The following NRXN1 variants were observed in gnomAD, a reference collection of about 807,000 sequenced individuals.
NRXN1 encodes the protein neurexin-1.
NRXN1 carries 39 observed loss-of-function variants against 150.9 expected under a neutral mutation model. The ratio of observed to expected loss-of-function variants is 0.26; its 90% confidence interval spans 0.20 to 0.34. The LOEUF (loss-of-function observed/expected upper bound fraction) is 0.34. NRXN1 is among the 10% of genes least tolerant of loss of function. The pLI is 1.00. For synonymous variants in NRXN1, 924 were observed against 757.0 expected (o/e 1.22, Z -3.62); for missense variants, 1,815 against 1,949.9 (o/e 0.93, Z 1.30).
chr2:50,227,050 T>C (rs1221655314), intron 18 of NRXN1, among the ~76,000 whole-genome samples: 1 of 151,980 alleles, frequency 6.6e-6, no homozygotes, highest in Admixed American at 6.6e-5. Flanking sequence ...GGCATCATGC[T>C]GTTCAGTATG....
At chr2:50,261,743 T>A (rs1470619922) in intron 17 of NRXN1, among the ~76,000 whole-genome samples, 1 of 151,920 alleles carries the variant, frequency 6.6e-6, no homozygotes. Context: ...ATTCTTTACC[T>A]CTTCCATCAG....
intron 2 of NRXN1, among the ~76,000 whole-genome samples, chr2:50,948,033 GTTAT>G (rs942369930): frequency 1.2e-4 from 18 of 151,428 alleles, no homozygotes; most frequent in African/African-American, 4.1e-4. Context: ...ATCCTGGCAA[GTTAT>G]TTATTTTATT....
intron 17 of NRXN1, among the ~76,000 whole-genome samples, chr2:50,319,712 G>A (rs905179865): frequency 6.7e-6 from 1 of 148,406 alleles, no homozygotes; most frequent in Non-Finnish European, 1.5e-5. Context: ...GACAGTGGCA[G>A]ACAGTGGCAC....
intron 18 of NRXN1, among the ~76,000 whole-genome samples, chr2:50,187,406 A>C (rs568161715): frequency 2.2e-4 from 34 of 152,280 alleles, no homozygotes; most frequent in Non-Finnish European, 3.8e-4. Context: ...TTAGTGAAGA[A>C]GAGATTTCAA....
chr2:50,084,595 A>G (rs1414592545), intron 19 of NRXN1, among the ~76,000 whole-genome samples: 1 of 151,974 alleles, frequency 6.6e-6, no homozygotes, highest in Non-Finnish European at 1.5e-5. Context: ...CTCTCCCTCC[A>G]CACCCCCCGC....
intron 18 of NRXN1, among the ~76,000 whole-genome samples, chr2:50,197,125 A>G (rs1310125784): frequency 6.6e-6 from 1 of 152,160 alleles, no homozygotes; most frequent in East Asian, 1.9e-4. Context: ...ACTTTTTTTC[A>G]GAAAATTATA....
intron 17 of NRXN1, among the ~76,000 whole-genome samples, chr2:50,378,658 T>C (rs907708585): frequency 6.6e-6 from 1 of 152,118 alleles, no homozygotes; most frequent in Non-Finnish European, 1.5e-5. Flanking sequence ...TTAGGAGTAT[T>C]AATAATATGT....
At chr2:50,360,697 A>T (rs979411034) in intron 17 of NRXN1, among the ~76,000 whole-genome samples, 1 of 152,184 alleles carries the variant, frequency 6.6e-6, no homozygotes, top group Admixed American at 6.5e-5. Context: ...AATATTATAC[A>T]GATCAATGAG....
intron 8 of NRXN1, among the ~76,000 whole-genome samples, chr2:50,560,369 A>C (rs979268815): frequency 1.3e-5 from 2 of 152,178 alleles, no homozygotes; most frequent in Non-Finnish European, 2.9e-5. Flanking sequence ...GGGCTAGTGG[A>C]TAGGGAAGAC....
intron 5 of NRXN1, among the ~76,000 whole-genome samples, chr2:50,701,401 C>T (rs529265030): frequency 6.6e-6 from 1 of 152,084 alleles, no homozygotes; most frequent in Non-Finnish European, 1.5e-5. Flanking sequence ...ACTTTACAGA[C>T]AATTCTTTTC....
intron 18 of NRXN1, among the ~76,000 whole-genome samples, chr2:50,107,018 T>C (rs1222107570): frequency 6.6e-6 from 1 of 151,886 alleles, no homozygotes; most frequent in East Asian, 1.9e-4. Flanking sequence ...TATCTGAGCA[T>C]TGATAGAGCA....
At chr2:49,973,411 T>C (rs934823860) in intron 21 of NRXN1, among the ~76,000 whole-genome samples, 13 of 152,288 alleles carry the variant, frequency 8.5e-5, no homozygotes, top group African/African-American at 3.1e-4. Context: ...TTAGCAAACA[T>C]GCATTTAATT....
chr2:50,406,652 T>C (rs2082768959), intron 17 of NRXN1, among the ~76,000 whole-genome samples: 1 of 152,182 alleles, frequency 6.6e-6, no homozygotes, highest in Non-Finnish European at 1.5e-5. Flanking sequence ...TGCCAGGTAT[T>C]AGGCATGTCC....
At chr2:50,399,403 G>C (rs765195270) in intron 17 of NRXN1, among the ~76,000 whole-genome samples, 8 of 151,930 alleles carry the variant, frequency 5.3e-5, no homozygotes, top group Non-Finnish European at 1.0e-4. Flanking sequence ...CTACTCCTGA[G>C]TTCATGAGGA....
intron 8 of NRXN1, among the ~76,000 whole-genome samples, chr2:50,569,311 C>A (rs1670314656): frequency 6.6e-6 from 1 of 152,072 alleles, no homozygotes; most frequent in East Asian, 1.9e-4. Context: ...ATCTGTAACA[C>A]AGGAAAGGAT....
chr2:50,119,566 G>GAA (rs35595009), intron 18 of NRXN1, among the ~76,000 whole-genome samples: 14 of 136,966 alleles, frequency 1.0e-4, no homozygotes, highest in African/African-American at 3.5e-4. Flanking sequence ...CATTAAAAAA[G>GAA]AAAAAAAAAA....
chr2:50,283,837 A>T (rs751065346), intron 17 of NRXN1, among the ~76,000 whole-genome samples: 3 of 152,102 alleles, frequency 2.0e-5, no homozygotes, highest in Non-Finnish European at 4.4e-5. Context: ...CCCTATATCC[A>T]TTCTTCTCAG....
intron 17 of NRXN1, among the ~76,000 whole-genome samples, chr2:50,401,570 G>C (rs943483956): frequency 9.9e-5 from 15 of 152,078 alleles, no homozygotes; most frequent in African/African-American, 3.6e-4. Context: ...AGGGAAGACA[G>C]GACACTTTAC....
chr2:50,869,415 G>A (rs1677432643), intron 5 of NRXN1, among the ~76,000 whole-genome samples: 1 of 151,036 alleles, frequency 6.6e-6, no homozygotes, highest in Non-Finnish European at 1.5e-5. Context: ...GGAAGAAAAT[G>A]ACACAGTTAA....
Sources: allele counts gnomAD v4.1 joint callset (sites outside exome capture counted in the v4.1 genomes callset), GRCh38; gene constraint gnomAD v4.1.1; transcripts MANE v1.5; gene names NCBI Gene and HGNC (gene_info 2026-07-23, HGNC 2026-07-21).